Variants in JMY observed in about 807,000 individuals in gnomAD.
JMY encodes junction-mediating and -regulatory protein.
JMY carries 46 observed loss-of-function variants against 103.3 expected under a neutral mutation model. That is an observed-to-expected ratio of 0.45 (90% CI 0.35 to 0.57). The LOEUF is 0.57. JMY is among the 20% of genes least tolerant of loss of function. The pLI is 0.00. For missense variants in JMY, 1,238 were observed against 1,255.2 expected, an observed-to-expected ratio of 0.99 and a Z score of 0.21; for synonymous variants, 526 against 489.3, an observed-to-expected ratio of 1.07 and a Z score of -0.99.
intron 7 of JMY, among the ~76,000 whole-genome samples, chr5:79,308,010 T>C (rs1448779360): frequency 6.6e-6 from 1 of 152,308 alleles, no homozygotes; most frequent in South Asian, 2.1e-4. Context: ...GTGCTGGGAT[T>C]ACAGGCATGA....
intron 1 of JMY, among the ~76,000 whole-genome samples, chr5:79,258,691 C>G (rs747153871): frequency 2.6e-5 from 4 of 152,118 alleles, no homozygotes; most frequent in Admixed American, 6.5e-5. Context: ...TAAGCAGTTT[C>G]CATGGCTGAC....
Position 79,322,993 on chromosome 5 carries a change from T to TGTTA in JMY, c.*1392_*1395dup, listed in dbSNP as rs772668779. The TGTTA allele has an allele frequency of 6.6e-6, 1 of 152,252 alleles. No homozygotes were observed. Among genetic ancestry groups the TGTTA allele is most frequent in the Non-Finnish European group, 1.5e-5 (1 of 68,042 alleles). The allele number at this position is 152,252 out of a possible 1,614,324, so 9.4% of individuals were successfully genotyped here. On this transcript the variant is annotated 3_prime_UTR_variant, in exon 11 of 11. Coordinates refer to ENST00000396137, the MANE Select transcript of JMY (RefSeq NM_152405.5). ...AGAAAAAAAGAAATGCTCACACCTT[T>TGTTA]GTTATTTTAAAGTGTTTTCTTGAAA...
At chr5:79,248,908 A>G (rs904200051) in intron 1 of JMY, among the ~76,000 whole-genome samples, 2 of 151,974 alleles carry the variant, frequency 1.3e-5, no homozygotes, top group Admixed American at 1.3e-4. Context: ...ACAGGTGTGT[A>G]CCACCACGTC....
At chr5:79,287,458 G>C (rs1421533384) in intron 2 of JMY, among the ~76,000 whole-genome samples, 2 of 152,134 alleles carry the variant, frequency 1.3e-5, no homozygotes, top group Non-Finnish European at 2.9e-5. Context: ...TTTAACCTTT[G>C]GACAGATGTT....
chr5:79,280,477 G>A (rs1456832465), intron 2 of JMY, among the ~76,000 whole-genome samples: 1 of 152,136 alleles, frequency 6.6e-6, no homozygotes, highest in Admixed American at 6.6e-5. Flanking sequence ...TTGAAAATTT[G>A]TGTCTTTTCT....
chr5:79,254,252 C>G (rs75411061), intron 1 of JMY, among the ~76,000 whole-genome samples: 1 of 152,204 alleles, frequency 6.6e-6, no homozygotes, highest in Admixed American at 6.5e-5. Context: ...CCATCACGCC[C>G]CAGCTTGGTA....
At chr5:79,248,564 C>G (rs554869786) in intron 1 of JMY, among the ~76,000 whole-genome samples, 36 of 152,078 alleles carry the variant, frequency 2.4e-4, no homozygotes, top group Non-Finnish European at 4.4e-4. Flanking sequence ...CCGCCTCAGC[C>G]TCCCAAAGTG....
intron 1 of JMY, among the ~76,000 whole-genome samples, chr5:79,255,540 A>G (rs1038844448): frequency 6.6e-6 from 1 of 152,132 alleles, no homozygotes; most frequent in African/African-American, 2.4e-5. Context: ...ATTTACTGTG[A>G]TCTGCACTGT....
At chr5:79,268,834 A>G (rs924466329) in intron 1 of JMY, among the ~76,000 whole-genome samples, 3 of 152,030 alleles carry the variant, frequency 2.0e-5, no homozygotes, top group Non-Finnish European at 4.4e-5. Flanking sequence ...TTTCAATGAG[A>G]TATTTTGCCC....
chr5:79,258,652 A>G (rs1000957212), intron 1 of JMY, among the ~76,000 whole-genome samples: 2 of 152,082 alleles, frequency 1.3e-5, no homozygotes, highest in South Asian at 2.1e-4. Flanking sequence ...CCAGCTCCCT[A>G]TGAGGCTGTG....
chr5:79,239,925 A>G (rs1012511501), intron 1 of JMY, among the ~76,000 whole-genome samples: 2 of 152,102 alleles, frequency 1.3e-5, no homozygotes, highest in Admixed American at 6.5e-5. Context: ...ACTCTTTAAA[A>G]AGGGGATTAC....
At position 79,312,434 on chromosome 5, in the gene JMY, GA is replaced by G; in HGVS notation, c.2005del (p.Ser669ValfsTer35). ...GAAAAATTACATGATGAAGAAGAAA[GA>G]AAAAGTGCCTGGGTTAGCCAAGAGA... Reference protein sequence around the residue: ...KREKLHDEEERKSAWVSQERQ... With the variant: ...KREKLHDEEEXKSAWVSQERQ... On this transcript the variant is annotated frameshift_variant, in exon 8 of 11. Transcript: ENST00000396137. LOFTEE classifies it high-confidence loss of function. 2 of 1,582,516 alleles carry G rather than the reference GA, an allele frequency of 1.3e-6. No homozygotes were observed. The highest frequency in any genetic ancestry group is 1.7e-6 in the Non-Finnish European group (2 of 1,167,676).
intron 7 of JMY, among the ~76,000 whole-genome samples, chr5:79,309,585 TCTTTAGCATCATA>T (rs1271344131): frequency 2.0e-5 from 3 of 152,182 alleles, no homozygotes; most frequent in African/African-American, 7.2e-5. Flanking sequence ...AAATTTTCTG[TCTTTAGCATCATA>T]CTAAAGGCCA....
At chr5:79,238,742 G>A (rs1005429181) in intron 1 of JMY, among the ~76,000 whole-genome samples, 2 of 144,086 alleles carry the variant, frequency 1.4e-5, no homozygotes, top group African/African-American at 2.5e-5. Flanking sequence ...CCCCCTCCCG[G>A]GTTCAAGCGA....
chr5:79,291,405 T>C, intron 4 of JMY, 106 bp downstream of exon 4: 4 of 916,098 alleles, frequency 4.4e-6, no homozygotes, highest in Non-Finnish European at 4.8e-6. Flanking sequence ...TTTTATGCCA[T>C]CTTCATGAGA....
intron 10 of JMY, among the ~76,000 whole-genome samples, chr5:79,319,790 G>C (rs909853090): frequency 2.0e-5 from 3 of 152,092 alleles, no homozygotes; most frequent in African/African-American, 7.2e-5. Flanking sequence ...ATGTTGGCCA[G>C]GCTGGTCTCA....
At chr5:79,253,649 A>G (rs939382720) in intron 1 of JMY, among the ~76,000 whole-genome samples, 1 of 152,166 alleles carries the variant, frequency 6.6e-6, no homozygotes, top group Non-Finnish European at 1.5e-5. Context: ...TTACAGTGTT[A>G]TAATCTGTTT....
chr5:79,297,031 A>G (rs1322454971), intron 4 of JMY, among the ~76,000 whole-genome samples: 1 of 152,228 alleles, frequency 6.6e-6, no homozygotes, highest in Non-Finnish European at 1.5e-5. Flanking sequence ...CTGTAAAACA[A>G]TAACAATAAC....
chr5:79,292,334 G>A (rs2112099576), intron 4 of JMY, among the ~76,000 whole-genome samples: 1 of 151,764 alleles, frequency 6.6e-6, no homozygotes, highest in South Asian at 2.1e-4. Context: ...CATCTTTGTT[G>A]TTGTTGTTGA....
Sources: allele counts gnomAD v4.1 joint callset (sites outside exome capture counted in the v4.1 genomes callset), GRCh38; gene constraint gnomAD v4.1.1; transcripts MANE v1.5; gene names NCBI Gene and HGNC (gene_info 2026-07-23, HGNC 2026-07-21).